MYO3A: variants seen among roughly 807,000 people sequenced by gnomAD.
MYO3A encodes myosin-IIIa.
In MYO3A, 180 loss-of-function variants were observed where a neutral mutation model predicts 192.7. That is an observed-to-expected ratio of 0.93 (90% CI 0.83 to 1.06). The LOEUF is 1.06. Among genes scored for constraint, MYO3A ranks in the 50% least tolerant of loss-of-function variants. The pLI, the probability that MYO3A is intolerant of heterozygous loss-of-function variation, is 0.00. For synonymous variants in MYO3A, 628 were observed against 645.3 expected (o/e 0.97, Z 0.41); for missense variants, 1,896 against 1,905.0 (o/e 1.00, Z 0.09).
At chr10:26,161,516 G>A (rs1841485197) in intron 26 of MYO3A, among the ~76,000 whole-genome samples, 1 of 152,160 alleles carries the variant, frequency 6.6e-6, no homozygotes, top group African/African-American at 2.4e-5. Flanking sequence ...GTATGGTGGA[G>A]TAGATAAGTA....
intron 2 of MYO3A, among the ~76,000 whole-genome samples, chr10:25,937,737 G>A (rs1206403923): frequency 2.6e-5 from 4 of 152,130 alleles, no homozygotes; most frequent in Admixed American, 2.6e-4. Context: ...AATGAATGGT[G>A]GAGAACGGAA....
At position 26,140,010 on chromosome 10, in the gene MYO3A, A is replaced by G. The variant is rs116093680; in HGVS notation, c.2263-3438A>G. 7.0e-3 allele frequency among the ~76,000 whole-genome samples: 1,064 copies of G among 152,346 alleles called. 13 individuals carry two copies. The highest frequency in any genetic ancestry group is 0.024 in the African/African-American group (999 of 41,586). ...AGCTTGATGCACAAAGCAGTACCCC[A>G]GAGCATGGTAGAGTGCATGGAGAGT... On this transcript the variant is annotated intron_variant, in intron 20 of 34. Transcript: ENST00000642920.
chr10:26,013,530 T>G (rs899085946), intron 6 of MYO3A, among the ~76,000 whole-genome samples: 1 of 152,048 alleles, frequency 6.6e-6, no homozygotes. Flanking sequence ...ACATCATTAA[T>G]CATCAGGGAA....
chr10:25,957,191 G>A (rs1837606826), intron 4 of MYO3A, among the ~76,000 whole-genome samples: 2 of 152,140 alleles, frequency 1.3e-5, no homozygotes, highest in South Asian at 4.1e-4. Context: ...GAATTCCCAT[G>A]TGTTGTGGAA....
chr10:26,068,224 A>T (rs1834972279), intron 11 of MYO3A, among the ~76,000 whole-genome samples: 1 of 151,996 alleles, frequency 6.6e-6, no homozygotes, highest in Non-Finnish European at 1.5e-5. Context: ...CTCTTGTGTC[A>T]TGTACTGTAA....
intron 10 of MYO3A, among the ~76,000 whole-genome samples, chr10:26,053,904 C>T (rs1179978551): frequency 3.9e-5 from 6 of 152,016 alleles, no homozygotes; most frequent in Admixed American, 3.9e-4. Context: ...GGTGGGATTA[C>T]GATGTTGAAA....
chr10:25,984,825 A>T (rs1839548283), intron 4 of MYO3A, among the ~76,000 whole-genome samples: 1 of 152,252 alleles, frequency 6.6e-6, no homozygotes, highest in African/African-American at 2.4e-5. Context: ...TGAAATCAAG[A>T]TGGAAATGAA....
At chr10:25,955,982 C>A (rs1837509893) in intron 4 of MYO3A, among the ~76,000 whole-genome samples, 1 of 152,094 alleles carries the variant, frequency 6.6e-6, no homozygotes, top group Non-Finnish European at 1.5e-5. Context: ...AGTCCAAGAT[C>A]CAGGAACCAG....
intron 23 of MYO3A, among the ~76,000 whole-genome samples, chr10:26,148,665 CT>C (rs745663939): frequency 3.3e-3 from 501 of 152,310 alleles, no homozygotes; most frequent in Non-Finnish European, 6.4e-3. Context: ...CCCTTAATTT[CT>C]CTCAGCAACA....
chr10:26,051,987 A>G (rs567321798), intron 10 of MYO3A, among the ~76,000 whole-genome samples: 1 of 152,368 alleles, frequency 6.6e-6, no homozygotes, highest in East Asian at 1.9e-4. Context: ...AGAGAAAAGA[A>G]AACTCAAGAA....
At chr10:25,975,245 T>G (rs1465761609) in intron 4 of MYO3A, among the ~76,000 whole-genome samples, 1 of 152,162 alleles carries the variant, frequency 6.6e-6, no homozygotes, top group Admixed American at 6.5e-5. Flanking sequence ...AGGCCCTCAG[T>G]GCATGCAGCC....
intron 10 of MYO3A, among the ~76,000 whole-genome samples, chr10:26,058,926 A>C (rs1405981447): frequency 1.7e-5 from 2 of 117,650 alleles, no homozygotes; most frequent in Non-Finnish European, 4.1e-5. Context: ...ATTTATACTT[A>C]AGTATTTCAT....
chr10:26,016,771 T>G (rs1285209874), intron 6 of MYO3A, 49 bp from the exon 7 acceptor site: 1 of 1,547,568 alleles, frequency 6.5e-7, no homozygotes, highest in Admixed American at 1.7e-5. Context: ...TTGAAAGCTC[T>G]TTATATGAGT....
intron 6 of MYO3A, among the ~76,000 whole-genome samples, chr10:26,001,235 A>G (rs182040639): frequency 1.3e-5 from 2 of 152,302 alleles, no homozygotes; most frequent in South Asian, 4.1e-4. Context: ...GAGCCACATC[A>G]TTGCTAACCT....
intron 10 of MYO3A, 31 bp downstream of exon 10, chr10:26,026,563 C>A: frequency 6.2e-7 from 1 of 1,610,920 alleles, no homozygotes; most frequent in Non-Finnish European, 8.5e-7. Context: ...TTCCAAAATC[C>A]AGAGATTATT....
intron 14 of MYO3A, among the ~76,000 whole-genome samples, chr10:26,075,193 C>A (rs1835451572): frequency 6.6e-6 from 1 of 151,872 alleles, no homozygotes; most frequent in African/African-American, 2.4e-5. Context: ...CTAAATTTTT[C>A]TTCCTCAGAA....
At chr10:25,942,826 T>A (rs1836586163) in intron 2 of MYO3A, among the ~76,000 whole-genome samples, 1 of 151,992 alleles carries the variant, frequency 6.6e-6, no homozygotes, top group Admixed American at 6.5e-5. Context: ...ATTTATATAT[T>A]CTGTATGTTA....
Position 26,151,539 on chromosome 10 carries a change from C to T in MYO3A, c.2636-2311C>T, listed in dbSNP as rs190938149. ...ATATCTTTTTCCATACTCTTAATTT[C>T]AACTTATTGTTTTTCTTTATATTCA... On this transcript the variant is annotated intron_variant, in intron 23 of 34. Coordinates refer to ENST00000642920, the MANE Select transcript of MYO3A (RefSeq NM_017433.5). 1.2e-3 allele frequency among the ~76,000 whole-genome samples: 190 copies of T among 152,156 alleles called. 1 individual carries two copies. Among genetic ancestry groups the T allele is most frequent in the South Asian group, 6.9e-3 (33 of 4,812 alleles).
At chr10:26,067,682 A>AT (rs35910374) in intron 11 of MYO3A, among the ~76,000 whole-genome samples, 72,072 of 151,828 alleles carry the variant, frequency 0.47, 17,913 homozygotes, top group Middle Eastern at 0.59. Flanking sequence ...TATTTCAAAC[A>AT]TTTTTGTGAA....
Sources: gnomAD v4.1 joint callset for allele counts (sites outside exome capture counted in the v4.1 genomes callset) on GRCh38, gnomAD v4.1.1 for gene constraint, MANE v1.5 for transcripts, NCBI Gene and HGNC (gene_info 2026-07-23, HGNC 2026-07-21) for gene names.